APBB2: variants seen among roughly 807,000 people sequenced by gnomAD.
The protein encoded by APBB2 is Fe65-like 1.
APBB2 carries 38 observed loss-of-function variants against 82.5 expected under a neutral mutation model. The observed-to-expected ratio is 0.46, with a 90% CI of 0.36 to 0.60. The LOEUF (loss-of-function observed/expected upper bound fraction) is 0.60, where lower values mean the gene tolerates loss of function less well. Ranked by LOEUF, APBB2 falls within the 20% of genes least tolerant of loss-of-function variation. APBB2 has a pLI of 0.00. For missense variants in APBB2, 772 were observed against 972.3 expected (o/e 0.79, Z 2.74); for synonymous variants, 341 against 368.2 (o/e 0.93, Z 0.85).
intron 1 of APBB2, among the ~76,000 whole-genome samples, chr4:41,194,917 C>T: frequency 6.6e-6 from 1 of 151,996 alleles, no homozygotes; most frequent in Non-Finnish European, 1.5e-5. Context: ...TTAATTACTA[C>T]AGTTTAAGAA....
chr4:40,825,172 G>A lies in APBB2; in HGVS notation c.1816+715C>T, dbSNP rs180820649. ...TTTGACTCTCATCAATAATTCTGCT[G>A]TGAACATTTGCATACACGTTTTTGC... On this transcript the variant is annotated intron_variant, in intron 15 of 17. Transcript: ENST00000508593. Among the ~76,000 whole-genome samples, 20 of 152,300 alleles carry A rather than the reference G, an allele frequency of 1.3e-4. No individual in the cohort carries two copies. In the East Asian group the frequency reaches 3.9e-3, roughly 29 times the overall value.
intron 3 of APBB2, among the ~76,000 whole-genome samples, chr4:41,075,633 A>C (rs1735395626): frequency 6.6e-6 from 1 of 152,252 alleles, no homozygotes; most frequent in Admixed American, 6.5e-5. Context: ...ACCCAACTCA[A>C]GTCAACCTAA....
chr4:40,988,519 T>A (rs1304515040), intron 6 of APBB2, among the ~76,000 whole-genome samples: 1 of 150,574 alleles, frequency 6.6e-6, no homozygotes, highest in Non-Finnish European at 1.5e-5. Context: ...GTGCCTGTAA[T>A]CCCAGCTACT....
At chr4:41,014,563 T>C (rs900071418) in intron 5 of APBB2, 165 bp from the exon 6 acceptor site, 10 of 717,198 alleles carry the variant, frequency 1.4e-5, no homozygotes, top group East Asian at 2.7e-5. Flanking sequence ...TTTGTTCCTA[T>C]ATTAAACAGG....
At chr4:40,930,444 T>TGCGCGCGCGC (rs1165262314) in intron 10 of APBB2, among the ~76,000 whole-genome samples, 1 of 60,894 alleles carries the variant, frequency 1.6e-5, no homozygotes, top group East Asian at 4.2e-4. Context: ...TGTGTGTGTG[T>TGCGCGCGCGC]GTGTGCGCGC....
At position 41,013,794 on chromosome 4, in the gene APBB2, C is replaced by T. The variant is rs1280891271; in HGVS notation, c.624G>A (p.Leu208=). 6.2e-7 allele frequency: 1 copy of T among 1,614,208 alleles called. No homozygotes were observed. The highest frequency in any genetic ancestry group is 8.5e-7 in the Non-Finnish European group (1 of 1,180,040). The change falls in exon 6 of 18, where the codon CTG becomes CTA. Residue 208 remains leucine (L), a synonymous_variant. Transcript: ENST00000508593. The stretch of plus-strand genomic sequence containing the variant: ...TGGACTGGGGTCTGTTTGGTTTCTG[C>T]AGCAGCAAATCGCCATTCCCAATGA... ...STIIGNGDLL[L]QKPNRPQSSP... is the part of the protein sequence containing the mutation.
chr4:40,874,427 T>C (rs1417696563), intron 12 of APBB2, among the ~76,000 whole-genome samples: 1 of 152,096 alleles, frequency 6.6e-6, no homozygotes, highest in East Asian at 1.9e-4. Context: ...CCTGGGATCA[T>C]CACTTACAAC....
At chr4:41,178,429 A>C (rs1005315605) in intron 1 of APBB2, among the ~76,000 whole-genome samples, 5 of 152,212 alleles carry the variant, frequency 3.3e-5, no homozygotes, top group African/African-American at 1.2e-4. Context: ...ACTTTAAAGT[A>C]CTTACAACAG....
At chr4:40,956,388 G>C (rs1311101532) in intron 6 of APBB2, among the ~76,000 whole-genome samples, 1 of 152,166 alleles carries the variant, frequency 6.6e-6, no homozygotes, top group East Asian at 1.9e-4. Flanking sequence ...TGGTAAGAAA[G>C]GGACAGGCCC....
chr4:41,059,234 G>T (rs556038915), intron 4 of APBB2, among the ~76,000 whole-genome samples: 20 of 152,238 alleles, frequency 1.3e-4, no homozygotes, highest in Non-Finnish European at 2.2e-4. Flanking sequence ...GCCGAGGCAG[G>T]CGGATCACCT....
At chr4:41,201,870 C>T (rs980380435) in intron 1 of APBB2, among the ~76,000 whole-genome samples, 19 of 152,248 alleles carry the variant, frequency 1.2e-4, no homozygotes, top group Admixed American at 2.6e-4. Flanking sequence ...GCCAAAAATA[C>T]GCCCCACATA....
At chr4:41,038,843 C>T (rs940436038) in intron 4 of APBB2, among the ~76,000 whole-genome samples, 1 of 152,206 alleles carries the variant, frequency 6.6e-6, no homozygotes, top group African/African-American at 2.4e-5. Context: ...TAAGCAAATT[C>T]TCAGGTATGA....
intron 6 of APBB2, among the ~76,000 whole-genome samples, chr4:40,986,841 A>G (rs1800534286): frequency 1.3e-5 from 2 of 152,252 alleles, no homozygotes; most frequent in African/African-American, 4.8e-5. Flanking sequence ...AAAATAATGA[A>G]AAATTATTAA....
At chr4:40,906,821 A>G (rs1011246273) in intron 10 of APBB2, among the ~76,000 whole-genome samples, 3 of 152,208 alleles carry the variant, frequency 2.0e-5, no homozygotes, top group African/African-American at 4.8e-5. Flanking sequence ...TTTTTGAGAT[A>G]AGCAAACAGA....
At chr4:41,131,899 G>C (rs981517480) in intron 2 of APBB2, among the ~76,000 whole-genome samples, 1 of 151,914 alleles carries the variant, frequency 6.6e-6, no homozygotes, top group African/African-American at 2.4e-5. Context: ...AATTAGCCAG[G>C]CATGGTGGCA....
intron 12 of APBB2, among the ~76,000 whole-genome samples, chr4:40,863,973 T>C (rs1434404852): frequency 2.0e-5 from 3 of 146,650 alleles, no homozygotes; most frequent in Non-Finnish European, 4.5e-5. Flanking sequence ...TAAAGCACCA[T>C]GTAGGCTGGG....
chr4:41,051,829 C>A (rs1232420430), intron 4 of APBB2, among the ~76,000 whole-genome samples: 2 of 152,170 alleles, frequency 1.3e-5, no homozygotes, highest in Non-Finnish European at 2.9e-5. Flanking sequence ...AGCTGGGCCA[C>A]CCCGGTTTGA....
At chr4:41,155,662 G>A (rs1314021807) in intron 1 of APBB2, among the ~76,000 whole-genome samples, 1 of 152,226 alleles carries the variant, frequency 6.6e-6, no homozygotes, top group Admixed American at 6.5e-5. Context: ...TACCCGTCAA[G>A]CATGCAGGAA....
intron 6 of APBB2, among the ~76,000 whole-genome samples, chr4:40,964,702 T>C (rs575849826): frequency 1.1e-4 from 16 of 142,558 alleles, no homozygotes; most frequent in African/African-American, 3.8e-4. Flanking sequence ...ACACATAGCC[T>C]ATGGATACAT....
Sources: gnomAD v4.1 joint callset for allele counts (sites outside exome capture counted in the v4.1 genomes callset) on GRCh38, gnomAD v4.1.1 for gene constraint, MANE v1.5 for transcripts, NCBI Gene and HGNC (gene_info 2026-07-23, HGNC 2026-07-21) for gene names.